Variants in SEMA5A observed in about 807,000 individuals in gnomAD.
SEMA5A encodes the protein semaphorin 5A.
SEMA5A carries 55 observed loss-of-function variants against 135.5 expected under a neutral mutation model. The observed-to-expected ratio is 0.41, with a 90% CI of 0.33 to 0.51. The LOEUF (loss-of-function observed/expected upper bound fraction) is 0.51. Ranked by LOEUF, SEMA5A falls within the 20% of genes least tolerant of loss-of-function variation. SEMA5A has a pLI of 0.37. For synonymous variants in SEMA5A, 580 were observed against 546.5 expected, an observed-to-expected ratio of 1.06 and a Z score of -0.85; for missense variants, 1,290 against 1,419.9, an observed-to-expected ratio of 0.91 and a Z score of 1.47.
intron 5 of SEMA5A, among the ~76,000 whole-genome samples, chr5:9,307,674 C>T (rs1324485395): frequency 6.6e-6 from 1 of 152,058 alleles, no homozygotes; most frequent in Non-Finnish European, 1.5e-5. Flanking sequence ...AAGGGACATA[C>T]AGATAAGGGA....
At chr5:9,336,768 C>A (rs1753409360) in intron 4 of SEMA5A, among the ~76,000 whole-genome samples, 1 of 152,166 alleles carries the variant, frequency 6.6e-6, no homozygotes, top group Non-Finnish European at 1.5e-5. Flanking sequence ...AGTGCCCAGA[C>A]TATAAGCTAG....
At chr5:9,085,629 G>C (rs1472587417) in intron 16 of SEMA5A, among the ~76,000 whole-genome samples, 1 of 152,336 alleles carries the variant, frequency 6.6e-6, no homozygotes, top group African/African-American at 2.4e-5. Context: ...TGAATGTCCA[G>C]GCAGAAGTTT....
chr5:9,412,111 G>T (rs1289750908), intron 2 of SEMA5A, among the ~76,000 whole-genome samples: 1 of 152,102 alleles, frequency 6.6e-6, no homozygotes, highest in Non-Finnish European at 1.5e-5. Flanking sequence ...TAGGGCATTT[G>T]TTTAGAATGA....
chr5:9,162,471 T>C (rs1743320876), intron 11 of SEMA5A, among the ~76,000 whole-genome samples: 1 of 33,062 alleles, frequency 3.0e-5, no homozygotes, highest in East Asian at 6.8e-4. Flanking sequence ...TGTGTATATA[T>C]ATGTGTGTGT....
In SEMA5A at chr5:9,533,134, G is replaced by A. The variant is rs916330488; in HGVS notation, c.-175+12450C>T. Among the ~76,000 whole-genome samples the A allele has an allele frequency of 4.6e-5, 7 of 152,302 alleles. No individual in the cohort carries two copies. In the East Asian group the frequency reaches 5.8e-4, roughly 13 times the overall value. On this transcript the variant is annotated intron_variant, in intron 1 of 22. Coordinates refer to ENST00000382496, the MANE Select transcript of SEMA5A (RefSeq NM_003966.3). ...TGAAAGATGTTGAACACGCCAATTC[G>A]TCTGAGCCCATGATACTGTGGTGTC...
At chr5:9,495,817 C>T (rs1048082832) in intron 1 of SEMA5A, among the ~76,000 whole-genome samples, 1 of 152,134 alleles carries the variant, frequency 6.6e-6, no homozygotes, top group African/African-American at 2.4e-5. Flanking sequence ...AGCAATTTGT[C>T]CCTCTTATTT....
At chr5:9,072,568 G>A (rs558660791) in intron 16 of SEMA5A, among the ~76,000 whole-genome samples, 129 of 152,278 alleles carry the variant, frequency 8.5e-4, no homozygotes, top group Middle Eastern at 3.4e-3. Context: ...CAGGAACAGT[G>A]CTTGCTTCAA....
intron 1 of SEMA5A, among the ~76,000 whole-genome samples, chr5:9,492,610 A>G (rs268474): frequency 0.97 from 147,319 of 152,300 alleles, 71,496 homozygotes; most frequent in Non-Finnish European, 0.99. Context: ...GCAACATGCA[A>G]TTCTATTTAC....
At chr5:9,420,209 G>A (rs2126629422) in intron 2 of SEMA5A, among the ~76,000 whole-genome samples, 1 of 152,232 alleles carries the variant, frequency 6.6e-6, no homozygotes, top group East Asian at 1.9e-4. Context: ...TTAAGTGATA[G>A]CAGCAGCATT....
chr5:9,344,302 C>T (rs551873932), intron 3 of SEMA5A, among the ~76,000 whole-genome samples: 1 of 152,110 alleles, frequency 6.6e-6, no homozygotes, highest in African/African-American at 2.4e-5. Context: ...GAATAAGTAG[C>T]TAAACTGGAA....
chr5:9,532,437 T>C (rs1294806633), intron 1 of SEMA5A, among the ~76,000 whole-genome samples: 1 of 114,570 alleles, frequency 8.7e-6, no homozygotes, highest in Non-Finnish European at 1.8e-5. Flanking sequence ...AGTTAATTTT[T>C]TTCTTTTTTT....
chr5:9,519,098 G>T (rs1187505412), intron 1 of SEMA5A, among the ~76,000 whole-genome samples: 1 of 152,166 alleles, frequency 6.6e-6, no homozygotes, highest in Non-Finnish European at 1.5e-5. Context: ...TGTGTTTGTG[G>T]TGAGTTTTCT....
At chr5:9,472,861 AC>A (rs2126758606) in intron 1 of SEMA5A, among the ~76,000 whole-genome samples, 1 of 150,760 alleles carries the variant, frequency 6.6e-6, no homozygotes, top group South Asian at 2.1e-4. Context: ...TATATAAAAT[AC>A]ATATACTTAT....
At chr5:9,436,931 T>C (rs1045563657) in intron 2 of SEMA5A, among the ~76,000 whole-genome samples, 4 of 142,830 alleles carry the variant, frequency 2.8e-5, no homozygotes, top group Non-Finnish European at 6.3e-5. Context: ...GCACGATTCG[T>C]GGTGGGAACA....
intron 4 of SEMA5A, 57 bp from the exon 5 acceptor site, chr5:9,318,474 G>T (rs1752487664): frequency 5.6e-6 from 8 of 1,417,428 alleles, no homozygotes; most frequent in Non-Finnish European, 6.8e-6. Flanking sequence ...AAAGTTAAGA[G>T]TTTATAAAAA....
intron 8 of SEMA5A, among the ~76,000 whole-genome samples, chr5:9,212,971 G>A (rs1451545243): frequency 6.6e-6 from 1 of 152,210 alleles, no homozygotes; most frequent in Non-Finnish European, 1.5e-5. Flanking sequence ...TGGAGGCTGG[G>A]AAGTCTATGA....
At chr5:9,479,797 G>A (rs545100376) in intron 1 of SEMA5A, among the ~76,000 whole-genome samples, 11 of 152,272 alleles carry the variant, frequency 7.2e-5, no homozygotes, top group East Asian at 3.9e-4. Flanking sequence ...CAGGTACTCC[G>A]GAGATGGCCA....
At chr5:9,453,643 G>A (rs2126710521) in intron 1 of SEMA5A, among the ~76,000 whole-genome samples, 1 of 152,288 alleles carries the variant, frequency 6.6e-6, no homozygotes, top group South Asian at 2.1e-4. Context: ...CTTGAAACAA[G>A]GTTATTTATT....
At chr5:9,384,003 T>C (rs1310025406) in intron 2 of SEMA5A, among the ~76,000 whole-genome samples, 1 of 152,230 alleles carries the variant, frequency 6.6e-6, no homozygotes, top group Admixed American at 6.5e-5. Flanking sequence ...ATGTTTGTCA[T>C]GTTAGGAAAG....
Sources: gnomAD v4.1 joint callset for allele counts (sites outside exome capture counted in the v4.1 genomes callset) on GRCh38, gnomAD v4.1.1 for gene constraint, MANE v1.5 for transcripts, NCBI Gene and HGNC (gene_info 2026-07-23, HGNC 2026-07-21) for gene names.